The following UMAD1 variants were observed in gnomAD, a reference collection of about 807,000 sequenced individuals.
UMAD1 encodes the protein UBAP1-MVB12-associated (UMA) domain containing 1.
A neutral mutation model predicts 6.1 loss-of-function variants in UMAD1; 8 were observed. That is an observed-to-expected ratio of 1.30 (90% CI 0.76 to 2.35). UMAD1 has a LOEUF of 2.35. Ranked by LOEUF, UMAD1 falls within the 30% of genes most tolerant of loss-of-function variation. UMAD1 has a pLI of 0.00. For synonymous variants in UMAD1, 56 were observed against 31.4 expected (o/e 1.78, Z -2.61); for missense variants, 130 against 78.4 (o/e 1.66, Z -2.49).
chr7:7,688,727 C>A (rs906767340), intron 2 of UMAD1, among the ~76,000 whole-genome samples: 4 of 151,916 alleles, frequency 2.6e-5, no homozygotes, highest in Non-Finnish European at 5.9e-5. Flanking sequence ...TATGTCTTGC[C>A]AATTATGTTG....
At chr7:7,777,745 C>T (rs559715398) in intron 2 of UMAD1, among the ~76,000 whole-genome samples, 2 of 151,964 alleles carry the variant, frequency 1.3e-5, no homozygotes, top group East Asian at 1.9e-4. Context: ...CTTCCAGATA[C>T]TCGTGATAGT....
At chr7:7,816,145 A>G (rs1426118431) in intron 3 of UMAD1, among the ~76,000 whole-genome samples, 1 of 151,586 alleles carries the variant, frequency 6.6e-6, no homozygotes, top group Non-Finnish European at 1.5e-5. Flanking sequence ...TATATCTTAT[A>G]GAGGAGGAAA....
chr7:7,732,875 A>G (rs755015694), intron 2 of UMAD1, among the ~76,000 whole-genome samples: 1 of 152,240 alleles, frequency 6.6e-6, no homozygotes, highest in Non-Finnish European at 1.5e-5. Context: ...TTCCAAAGGT[A>G]GATTAAGTTG....
intron 2 of UMAD1, among the ~76,000 whole-genome samples, chr7:7,737,409 C>T (rs1157733583): frequency 6.6e-6 from 1 of 152,208 alleles, no homozygotes; most frequent in Non-Finnish European, 1.5e-5. Flanking sequence ...GCAGAAACCT[C>T]AGGTTTCTAC....
chr7:7,748,744 T>C (rs1237056435), intron 2 of UMAD1, among the ~76,000 whole-genome samples: 1 of 151,852 alleles, frequency 6.6e-6, no homozygotes, highest in African/African-American at 2.4e-5. Context: ...CATATAAGTA[T>C]ATGTGTATAT....
chr7:7,803,198 G>A (rs1372827228), intron 3 of UMAD1, among the ~76,000 whole-genome samples: 1 of 152,212 alleles, frequency 6.6e-6, no homozygotes, highest in Non-Finnish European at 1.5e-5. Flanking sequence ...TGGTGAGGCT[G>A]GGCGTAGTGG....
intron 1 of UMAD1, among the ~76,000 whole-genome samples, chr7:7,660,976 A>G (rs1291478468): frequency 6.7e-6 from 1 of 149,020 alleles, no homozygotes; most frequent in African/African-American, 2.5e-5. Flanking sequence ...ATAGTCCCAT[A>G]TTTCTTGGAG....
intron 2 of UMAD1, among the ~76,000 whole-genome samples, chr7:7,738,054 A>C (rs1781394552): frequency 1.3e-5 from 2 of 152,224 alleles, no homozygotes; most frequent in Admixed American, 1.3e-4. Flanking sequence ...TCTAAAGTCA[A>C]GCTAACTGAA....
chr7:7,718,377 C>T (rs2115180286), intron 2 of UMAD1: 1 of 152,318 alleles, frequency 6.6e-6, no homozygotes, highest in East Asian at 1.9e-4. Context: ...ATATTCCCAG[C>T]ACTAGCATGG....
chr7:7,789,065 C>T (rs904286183), intron 2 of UMAD1, among the ~76,000 whole-genome samples: 1 of 152,148 alleles, frequency 6.6e-6, no homozygotes, highest in Non-Finnish European at 1.5e-5. Context: ...ATTGTCAGTA[C>T]TGGTGATATA....
intron 3 of UMAD1, among the ~76,000 whole-genome samples, chr7:7,862,176 T>C (rs1784129331): frequency 6.6e-6 from 1 of 152,156 alleles, no homozygotes; most frequent in Admixed American, 6.5e-5. Flanking sequence ...TTGCATTCAG[T>C]CGATATCATA....
chr7:7,664,080 C>T (rs767938415), intron 1 of UMAD1, among the ~76,000 whole-genome samples: 1 of 152,144 alleles, frequency 6.6e-6, no homozygotes, highest in African/African-American at 2.4e-5. Flanking sequence ...TTGTAAACAT[C>T]GTGAATTTCT....
intron 3 of UMAD1, among the ~76,000 whole-genome samples, chr7:7,846,385 T>G (rs1014558863): frequency 6.6e-6 from 1 of 152,188 alleles, no homozygotes; most frequent in Non-Finnish European, 1.5e-5. Flanking sequence ...CTGGTCATAG[T>G]GACATCTTAT....
intron 3 of UMAD1, among the ~76,000 whole-genome samples, chr7:7,844,725 G>C (rs1783751512): frequency 6.6e-6 from 1 of 151,982 alleles, no homozygotes; most frequent in South Asian, 2.1e-4. Context: ...TTTTTCTTAG[G>C]CATCTACCAT....
chr7:7,667,483 G>A (rs1779494328), intron 1 of UMAD1, among the ~76,000 whole-genome samples: 1 of 152,152 alleles, frequency 6.6e-6, no homozygotes, highest in Non-Finnish European at 1.5e-5. Flanking sequence ...TTCTGCTAAG[G>A]ATTGCCTCAG....
chr7:7,698,954 C>A (rs1360432390), intron 2 of UMAD1, among the ~76,000 whole-genome samples: 1 of 150,212 alleles, frequency 6.7e-6, no homozygotes, highest in Non-Finnish European at 1.5e-5. Context: ...TCCCTGGGCT[C>A]AGTGATTCTC....
At chr7:7,871,419 CACT>C (rs898980718) in intron 3 of UMAD1, among the ~76,000 whole-genome samples, 19 of 152,148 alleles carry the variant, frequency 1.2e-4, no homozygotes, top group African/African-American at 4.6e-4. Context: ...TCAGTTTCAC[CACT>C]GACAAGCTGT....
Position 7,849,413 on chromosome 7 carries a change from A to G in UMAD1, c.157-27868A>G, listed in dbSNP as rs1052245590. The stretch of plus-strand genomic sequence containing the variant: ...GTCCTGCAGTTCAACACAGTTCACT[A>G]TAAAAGTAGTTGTAGGGTTATGCAC... On this transcript the variant is annotated intron_variant, in intron 3 of 3. Coordinates refer to ENST00000682710, the MANE Select transcript of UMAD1 (RefSeq NM_001302348.2). 3.3e-5 allele frequency among the ~76,000 whole-genome samples: 5 copies of G among 152,270 alleles called. No individual in the cohort carries two copies. The Middle Eastern group carries it at 0.01, about 311-fold the overall frequency.
chr7:7,665,575 G>C (rs757642043), intron 1 of UMAD1, among the ~76,000 whole-genome samples: 6 of 152,174 alleles, frequency 3.9e-5, no homozygotes, highest in Non-Finnish European at 7.3e-5. Flanking sequence ...AATTTGATGA[G>C]TTTTGATGTG....
Sources: allele counts gnomAD v4.1 joint callset (sites outside exome capture counted in the v4.1 genomes callset), GRCh38; gene constraint gnomAD v4.1.1; transcripts MANE v1.5; gene names NCBI Gene and HGNC (gene_info 2026-07-23, HGNC 2026-07-21).